The following TRIM49B variants were observed in gnomAD, a reference collection of about 807,000 sequenced individuals.
TRIM49B encodes tripartite motif containing 49B, also known as putative tripartite motif-containing protein 49B.
TRIM49B carries 18 observed loss-of-function variants against 31.8 expected under a neutral mutation model. That is an observed-to-expected ratio of 0.57 (90% CI 0.39 to 0.84). TRIM49B has a LOEUF of 0.84. Among genes scored for constraint, TRIM49B ranks in the 40% least tolerant of loss-of-function variants. TRIM49B has a pLI of 0.00. For synonymous variants in TRIM49B, 196 were observed against 180.6 expected (o/e 1.09, Z -0.68); for missense variants, 494 against 538.7 (o/e 0.92, Z 0.82).
intron 6 of TRIM49B, among the ~76,000 whole-genome samples, 194 bp from the exon 7 acceptor site, chr11:49,037,284 G>GTT (rs1172501399): frequency 0.81 from 122,275 of 151,624 alleles, 49,617 homozygotes; most frequent in African/African-American, 0.83. Context: ...CAATATGTAA[G>GTT]TTTTCAAAAA....
intron 6 of TRIM49B, among the ~76,000 whole-genome samples, chr11:49,036,629 T>C (rs1180530784): frequency 6.6e-6 from 1 of 152,190 alleles, no homozygotes; most frequent in African/African-American, 2.4e-5. Flanking sequence ...TGTACTGAGT[T>C]ATATAATAGG....
chr11:49,034,306 G>C lies in TRIM49B; in HGVS notation c.668G>C (p.Arg223Thr). The change falls in exon 4 of 7, where the codon AGG becomes ACG. Residue 223 changes from arginine to threonine, a missense_variant. By Grantham distance (71) the Arg-to-Thr change is moderately conservative. This residue lies in a region of TRIM49B where 233 missense variants were observed against 281.4 expected (regional missense o/e 0.83). Coordinates refer to ENST00000332682, the MANE Select transcript of TRIM49B (RefSeq NM_001206626.2). ...HLSKAKMAHR[R>T]EILRGMYEEL... Reference sequence around the variant, plus strand: ...AGTAAAGCCAAAATGGCTCATAGGAGGGAGATTTTAAGAGGAATGTATGAG... The same window carrying C: ...AGTAAAGCCAAAATGGCTCATAGGACGGAGATTTTAAGAGGAATGTATGAG... 4.3e-6 allele frequency: 7 copies of C among 1,611,960 alleles called. No homozygotes were observed. The highest frequency in any genetic ancestry group is 5.9e-6 in the Non-Finnish European group (7 of 1,179,828).
chr11:49,035,179 T>C, intron 5 of TRIM49B, 62 bp downstream of exon 5: 1 of 1,604,666 alleles, frequency 6.2e-7, no homozygotes, highest in South Asian at 1.1e-5. Flanking sequence ...CAAAGCAGGC[T>C]TTATTAAAGT....
chr11:49,037,736 G>T lies in TRIM49B; in HGVS notation c.1118G>T (p.Gly373Val), dbSNP rs779716148. ...KEKNQNEKID[G>V]EDGLFLLGCV... ...AAGAATCAGAATGAGAAGATAGATGGAGAGGATGGACTCTTTCTTCTTGGG... is the reference window on the plus strand; with the variant it reads ...AAGAATCAGAATGAGAAGATAGATGTAGAGGATGGACTCTTTCTTCTTGGG... The change falls in exon 7 of 7, where the codon GGA becomes GTA. Residue 373 changes from glycine (G) to valine (V), a missense_variant. By Grantham distance (109) the Gly-to-Val change is moderately radical. This residue lies in a region of TRIM49B where 233 missense variants were observed against 281.4 expected (regional missense o/e 0.83). Coordinates refer to ENST00000332682, the MANE Select transcript of TRIM49B (RefSeq NM_001206626.2). 2 of 1,613,948 alleles carry T rather than the reference G, an allele frequency of 1.2e-6. No homozygotes were observed. The highest frequency in any genetic ancestry group is 3.3e-5 in the Admixed American group (2 of 60,014).
intron 3 of TRIM49B, 101 bp from the exon 4 acceptor site, chr11:49,034,045 G>A (rs1353076015): frequency 3.4e-5 from 55 of 1,595,392 alleles, no homozygotes; most frequent in Non-Finnish European, 4.3e-5. Flanking sequence ...GCAAGACAGA[G>A]GTTTGAACTA....
rs772974721 is a variant in TRIM49B, at chr11:49,034,150, A to G, written c.512A>G (p.Tyr171Cys). ...ACTAACCCATTATCACTGCAGGATT[A>G]TGTGAATTTAAGGCTAGAAGCAATT... The part of the protein sequence containing the change: ...ETTRTRCWKD[Y>C]VNLRLEAIRA... Residue 171 changes from tyrosine to cysteine, a missense_variant, in exon 4 of 7, where the codon TAT (tyrosine) becomes TGT (cysteine). Tyr to Cys is a radical substitution (Grantham distance 194). Coordinates refer to ENST00000332682, the MANE Select transcript of TRIM49B (RefSeq NM_001206626.2). 2 of 1,611,892 alleles carry G rather than the reference A, an allele frequency of 1.2e-6. No individual in the cohort carries two copies. The highest frequency in any genetic ancestry group is 1.7e-6 in the Non-Finnish European group (2 of 1,179,740).
intron 3 of TRIM49B, 109 bp from the exon 4 acceptor site, chr11:49,034,037 A>G: frequency 6.3e-7 from 1 of 1,583,654 alleles, no homozygotes; most frequent in Admixed American, 1.7e-5. Context: ...AAGAACTGGC[A>G]AGACAGAGGT....
Position 49,031,795 on chromosome 11 carries a change from A to G in TRIM49B, c.196A>G (p.Thr66Ala). ...TKSTGQINLK[T>A]NIHFKKMASL... Reference sequence around the variant, plus strand: ...GTCAACAGGGCAGATAAACCTCAAAACCAACATTCATTTCAAGAAGATGGC... The same window carrying G: ...GTCAACAGGGCAGATAAACCTCAAAGCCAACATTCATTTCAAGAAGATGGC... Residue 66 changes from threonine (T) to alanine (A), a missense_variant, in exon 2 of 7, where the codon ACC becomes GCC. Physicochemically the swap from Thr to Ala is moderately conservative, Grantham distance 58. Coordinates refer to ENST00000332682, the MANE Select transcript of TRIM49B (RefSeq NM_001206626.2). The G allele has an allele frequency of 6.2e-7, 1 of 1,614,002 alleles. No individual in the cohort carries two copies. Among genetic ancestry groups the G allele is most frequent in the Non-Finnish European group, 8.5e-7 (1 of 1,179,878 alleles).
At position 49,037,777 on chromosome 11, in the gene TRIM49B, A is replaced by T. The variant is rs1490780476; in HGVS notation, c.1159A>T (p.Ile387Phe). Residue 387 changes from isoleucine to phenylalanine, a missense_variant, in exon 7 of 7, where the codon ATT becomes TTT. Around this residue, in one of 3 missense-constraint regions of TRIM49B, gnomAD observed 233 missense variants for 281.4 expected, o/e 0.83. Coordinates refer to ENST00000332682, the MANE Select transcript of TRIM49B (RefSeq NM_001206626.2). ...LFLLGCVKND[I>F]QRSLFTTSPL... ...TCTTCTTGGGTGTGTTAAGAATGAC[A>T]TTCAACGCAGTCTCTTTACCACCTC... is the stretch of plus-strand genomic sequence containing the variant. 6.2e-7 allele frequency: 1 copy of T among 1,613,872 alleles called. No individual in the cohort carries two copies. The highest frequency in any genetic ancestry group is 8.5e-7 in the Non-Finnish European group (1 of 1,179,878).
chr11:49,029,866 G>T (rs964618219), intron 1 of TRIM49B, among the ~76,000 whole-genome samples: 10 of 152,218 alleles, frequency 6.6e-5, no homozygotes, highest in African/African-American at 2.4e-4. Context: ...ATTCAATTAT[G>T]TTTAGATACA....
At chr11:49,037,385 A>G in intron 6 of TRIM49B, 93 bp from the exon 7 acceptor site, 2 of 1,465,094 alleles carry the variant, frequency 1.4e-6, no homozygotes, top group African/African-American at 1.4e-5. Flanking sequence ...AAAACTTTTT[A>G]TGACTTTACA....
chr11:49,033,946 A>G (rs1854486589), intron 3 of TRIM49B, among the ~76,000 whole-genome samples, 200 bp from the exon 4 acceptor site: 1 of 152,214 alleles, frequency 6.6e-6, no homozygotes, highest in African/African-American at 2.4e-5. Flanking sequence ...ATTATCTTGA[A>G]TAAATTTAAT....
chr11:49,035,853 C>T (rs1188805550), intron 5 of TRIM49B, among the ~76,000 whole-genome samples: 1 of 152,032 alleles, frequency 6.6e-6, no homozygotes, highest in Non-Finnish European at 1.5e-5. Context: ...TCGAAAAAAA[C>T]TGGAGTGTTA....
chr11:49,034,075 A>C, intron 3 of TRIM49B, 71 bp from the exon 4 acceptor site: 2 of 1,608,612 alleles, frequency 1.2e-6, no homozygotes, highest in Non-Finnish European at 1.7e-6. Flanking sequence ...CGAGAGACAA[A>C]AGGAATCAGT....
chr11:49,033,064 A>ACACAAC (rs1186037504), intron 3 of TRIM49B, among the ~76,000 whole-genome samples: 9 of 152,152 alleles, frequency 5.9e-5, no homozygotes, highest in African/African-American at 2.2e-4. Context: ...GATAGCTAAT[A>ACACAAC]TTAGTTTGTT....
chr11:49,037,496 A>G lies in TRIM49B; in HGVS notation c.878A>G (p.His293Arg). The G allele has an allele frequency of 6.2e-7, 1 of 1,614,052 alleles. No individual in the cohort carries two copies. Among genetic ancestry groups the G allele is most frequent in the African/African-American group, 1.3e-5 (1 of 75,024 alleles). ...TTTGCAGTGCATATTACTCTGCATC[A>G]TGAAGAAGCCAACAGTGATATCTTT... ...NQFRVHITLH[H>R]EEANSDIFLC... The change falls in exon 7 of 7, where the codon CAT becomes CGT. Residue 293 changes from histidine to arginine, a missense_variant. Physicochemically the swap from His to Arg is conservative, Grantham distance 29. Around this residue, in one of 3 missense-constraint regions of TRIM49B, gnomAD observed 233 missense variants for 281.4 expected, o/e 0.83. Transcript: ENST00000332682.
At chr11:49,031,206 C>T (rs1214222271) in intron 1 of TRIM49B, among the ~76,000 whole-genome samples, 1 of 151,902 alleles carries the variant, frequency 6.6e-6, no homozygotes, top group East Asian at 1.9e-4. Context: ...ATTTCTTTGG[C>T]CCAGGTAGTT....
rs769919648 is a variant in TRIM49B at position 49,034,387 on chromosome 11, G to A, written c.738+11G>A. On this transcript the variant is annotated intron_variant, in intron 4 of 6. Coordinates refer to ENST00000332682, the MANE Select transcript of TRIM49B (RefSeq NM_001206626.2). ...GTGGAGCTACTTCAGGTACAAACTC[G>A]CCATGTGGTTTCAGGTTTTTGAATA... is the stretch of plus-strand genomic sequence containing the variant. The A allele has an allele frequency of 3.2e-5, 51 of 1,611,776 alleles. No individual in the cohort carries two copies. The highest frequency in any genetic ancestry group is 5.5e-5 in the South Asian group (5 of 90,978).
At position 49,037,931 on chromosome 11, in the gene TRIM49B, C is replaced by G. The variant is rs1565093763; in HGVS notation, c.1313C>G (p.Ser438Cys). ...CTAATATACACCATCCCTAATTGCTCTTTCTCACCTCCTCTCAGGCCTATC... is the reference window on the plus strand; with the variant it reads ...CTAATATACACCATCCCTAATTGCTGTTTCTCACCTCCTCTCAGGCCTATC... ...SSLIYTIPNCSFSPPLRPIFC... is the reference protein window; with the variant it reads ...SSLIYTIPNCCFSPPLRPIFC... Residue 438 changes from serine to cysteine, a missense_variant, in exon 7 of 7, where the codon TCT becomes TGT. By Grantham distance (112) the Ser-to-Cys change is moderately radical. Around this residue, in one of 3 missense-constraint regions of TRIM49B, gnomAD observed 233 missense variants for 281.4 expected, o/e 0.83. Coordinates refer to ENST00000332682, the MANE Select transcript of TRIM49B (RefSeq NM_001206626.2). The G allele has an allele frequency of 6.2e-7, 1 of 1,613,044 alleles. No individual in the cohort carries two copies. The highest frequency in any genetic ancestry group is 8.5e-7 in the Non-Finnish European group (1 of 1,179,588).
Sources: gnomAD v4.1 joint callset for allele counts (sites outside exome capture counted in the v4.1 genomes callset) on GRCh38, gnomAD v4.1.1 for gene constraint, gnomAD v4.1.1 regional missense constraint, MANE v1.5 for transcripts, NCBI Gene and HGNC (gene_info 2026-07-23, HGNC 2026-07-21) for gene names.